Variants in ABCA3 observed in about 807,000 individuals in gnomAD.
ABCA3 encodes the protein phospholipid-transporting ATPase ABCA3.
In ABCA3, 88 loss-of-function variants were observed where a neutral mutation model predicts 172.8. That is an observed-to-expected ratio of 0.51 (90% CI 0.43 to 0.61). The LOEUF (loss-of-function observed/expected upper bound fraction) is 0.61, where lower values mean the gene tolerates loss of function less well. Among genes scored for constraint, ABCA3 ranks in the 20% least tolerant of loss-of-function variants. ABCA3 has a pLI of 0.00. For missense variants in ABCA3, 2,164 were observed against 2,301.0 expected (o/e 0.94, Z 1.22); for synonymous variants, 1,066 against 983.8 (o/e 1.08, Z -1.56).
chr16:2,287,067 C>A lies in ABCA3; in HGVS notation c.3005-100G>T. 1.5e-6 allele frequency: 2 copies of A among 1,376,176 alleles called. No homozygotes were observed. The highest frequency in any genetic ancestry group is 2.9e-5 in the African/African-American group (2 of 69,746). The allele number at this position is 1,376,176 out of a possible 1,614,324, so 85.2% of individuals were successfully genotyped here. A position where few individuals can be genotyped will look rare whatever the true frequency, so the allele number is the denominator to read the frequency against. ...TAATCAGGGACCCAATAGAGTGGTGCCAGCATCCTCTGAGCTGCCCGCCCC... is the reference window on the plus strand; with the variant it reads ...TAATCAGGGACCCAATAGAGTGGTGACAGCATCCTCTGAGCTGCCCGCCCC... On this transcript the variant is annotated intron_variant, in intron 21 of 32. Coordinates refer to ENST00000301732, the MANE Select transcript of ABCA3 (RefSeq NM_001089.3). This position sits in a 1 kb window ranked among gnomAD's most constrained non-coding sequence, Gnocchi z 4.1.
chr16:2,293,913 G>A (rs930657385), intron 18 of ABCA3, among the ~76,000 whole-genome samples: 2 of 151,928 alleles, frequency 1.3e-5, no homozygotes, highest in Non-Finnish European at 2.9e-5. Context: ...TTCTCCTTCT[G>A]CCTTGGCTTC....
At chr16:2,303,482 G>C (rs778877916) in intron 12 of ABCA3, among the ~76,000 whole-genome samples, 3 of 151,268 alleles carry the variant, frequency 2.0e-5, no homozygotes, top group Non-Finnish European at 4.4e-5. Context: ...TTGTTAGCCA[G>C]GATGGTCTTG....
rs1391840102 is a variant in ABCA3 at position 2,285,144 on chromosome 16, C to T, written c.3484-146G>A. ...CATCAGCCCCACAGGCCACGTCTGG[C>T]CCCCGCGGTGGCTTTCAGCCCCAGG... On this transcript the variant is annotated intron_variant, in intron 23 of 32. Transcript: ENST00000301732. This position sits in a 1 kb window ranked among gnomAD's most constrained non-coding sequence, Gnocchi z 4.7. 1 of 983,682 alleles carries T rather than the reference C, an allele frequency of 1.0e-6. No homozygotes were observed. Among genetic ancestry groups the T allele is most frequent in the Non-Finnish European group, 1.5e-6 (1 of 647,438 alleles). 60.9% of individuals were successfully genotyped at this position (983,682 alleles called of 1,614,324 possible). A position where few individuals can be genotyped will look rare whatever the true frequency, so the allele number is the denominator to read the frequency against.
chr16:2,326,165 G>A lies in ABCA3; in HGVS notation c.164C>T (p.Thr55Ile). The part of the protein sequence containing the change: ...KIQSENVPNA[T>I]IYPGQSIQEL... ...CTGGATGGACTGGCCCGGGTAGATG[G>A]TGGCGTTGGGCACATTTTCCGACTG... Residue 55 changes from threonine to isoleucine, a missense_variant, in exon 5 of 33, where the codon ACC becomes ATC. Around this residue, in one of 3 missense-constraint regions of ABCA3, gnomAD observed 1,343 missense variants for 1,369.6 expected, o/e 0.98. Transcript: ENST00000301732. The A allele has an allele frequency of 6.2e-7, 1 of 1,614,206 alleles. No individual in the cohort carries two copies. Among genetic ancestry groups the A allele is most frequent in the South Asian group, 1.1e-5 (1 of 91,086 alleles).
intron 10 of ABCA3, among the ~76,000 whole-genome samples, chr16:2,313,479 G>A (rs1251665198): frequency 6.7e-6 from 1 of 149,510 alleles, no homozygotes; most frequent in Non-Finnish European, 1.5e-5. Flanking sequence ...CTTGAACCCA[G>A]GCAGCAGAGT....
rs780146074 is a variant in ABCA3 at position 2,289,551 on chromosome 16, G to A, written c.2583C>T (p.His861=). 4.5e-6 allele frequency: 7 copies of A among 1,566,800 alleles called. No individual in the cohort carries two copies. The highest frequency in any genetic ancestry group is 2.3e-5 in the South Asian group (2 of 85,218). The change falls in exon 20 of 33, where the codon CAC becomes CAT. Residue 861 remains histidine (H), a synonymous_variant. Transcript: ENST00000301732. ...AIQLPALQYQ[H]ERRASDWAVD... ...CAGCCCAGTCGCTGGCGCGCCTCTC[G>A]TGCTGGTACTGCAGGGCAGGGAGCT...
chr16:2,308,742 C>G (rs2093701939), intron 10 of ABCA3, 119 bp from the exon 11 acceptor site: 2 of 1,145,410 alleles, frequency 1.7e-6, no homozygotes, highest in African/African-American at 3.1e-5. Context: ...CTGCTCCTGG[C>G]ACTTGCCATC....
At chr16:2,334,487 C>T (rs144418588) in intron 1 of ABCA3, among the ~76,000 whole-genome samples, 1 of 151,612 alleles carries the variant, frequency 6.6e-6, no homozygotes, top group East Asian at 1.9e-4. Flanking sequence ...TCAATGGATC[C>T]TGTGGATGAA....
In ABCA3 at chr16:2,328,482, T is replaced by C. The variant is rs754277748; in HGVS notation, c.-56A>G. The C allele has an allele frequency of 1.4e-5, 7 of 510,468 alleles. No individual in the cohort carries two copies. The Admixed American group carries it at 1.4e-4, about 10-fold the overall frequency. The allele number at this position is 510,468 out of a possible 1,614,324, so 31.6% of individuals were successfully genotyped here. A position where few individuals can be genotyped will look rare whatever the true frequency, so the allele number is the denominator to read the frequency against. The stretch of plus-strand genomic sequence containing the variant: ...TAGAGAAGTAGGTGGTCTGAGTAAG[T>C]TCAAGTAGGCGCTGCAACCCGCAGG... On this transcript the variant is annotated 5_prime_UTR_variant, in exon 3 of 33. Coordinates refer to ENST00000301732, the MANE Select transcript of ABCA3 (RefSeq NM_001089.3).
intron 1 of ABCA3, among the ~76,000 whole-genome samples, chr16:2,337,421 A>T (rs1375363405): frequency 1.4e-5 from 2 of 144,140 alleles, no homozygotes; most frequent in African/African-American, 5.2e-5. Context: ...CCTAGGCTGG[A>T]GTATAGATAG....
At chr16:2,311,207 C>T (rs1191181185) in intron 10 of ABCA3, among the ~76,000 whole-genome samples, 2 of 151,628 alleles carry the variant, frequency 1.3e-5, no homozygotes, top group Admixed American at 6.6e-5. Flanking sequence ...CTCTTGACCT[C>T]GTGATCCGCC....
intron 20 of ABCA3, 100 bp from the exon 21 acceptor site, chr16:2,288,429 G>C: frequency 7.3e-7 from 1 of 1,370,036 alleles, no homozygotes; most frequent in Non-Finnish European, 9.8e-7. Context: ...ACGCCAGCCT[G>C]GGGGCCTGCA....
In ABCA3 at chr16:2,308,541, C is replaced by T. The variant is rs2093701505; in HGVS notation, c.1194G>A (p.Trp398Ter). The T allele has an allele frequency of 6.2e-7, 1 of 1,614,200 alleles. No homozygotes were observed. Residue 398 changes from tryptophan to a stop codon, truncating the protein, a stop_gained, in exon 11 of 33, where the codon TGG becomes TGA. Transcript: ENST00000301732. LOFTEE classifies it high-confidence loss of function. ...AGCAGAGCTTCTGGCTCAGAGTCAT[C>T]CAGTTGTACCGAGGGGCCACGAAGA... ...PYFFVAPRYN[W>*]MTLSQKLCSC...
rs894910365 is a variant in ABCA3 at position 2,283,657 on chromosome 16, C to A, written c.3863-299G>T. 1 of 429,032 alleles carries A rather than the reference C, an allele frequency of 2.3e-6. No homozygotes were observed. 26.6% of individuals were successfully genotyped at this position (429,032 alleles called of 1,614,324 possible). A position where few individuals can be genotyped will look rare whatever the true frequency, so the allele number is the denominator to read the frequency against. On this transcript the variant is annotated intron_variant, in intron 25 of 32. Coordinates refer to ENST00000301732, the MANE Select transcript of ABCA3 (RefSeq NM_001089.3). This position sits in a 1 kb window ranked among gnomAD's most constrained non-coding sequence, Gnocchi z 5.4. ...ATCCTGGGCTGCCTCCTGACCAGGA[C>A]AGAGACCGTTACAAGCACCGAGGGG...
At chr16:2,317,190 A>G (rs1009273321) in intron 10 of ABCA3, 93 bp downstream of exon 10, 2 of 1,578,068 alleles carry the variant, frequency 1.3e-6, no homozygotes, top group Non-Finnish European at 1.7e-6. Flanking sequence ...CCACCAGGCC[A>G]CTCTCCCTTC....
chr16:2,285,149 G>C lies in ABCA3; in HGVS notation c.3484-151C>G. On this transcript the variant is annotated intron_variant, in intron 23 of 32. Coordinates refer to ENST00000301732, the MANE Select transcript of ABCA3 (RefSeq NM_001089.3). The surrounding 1 kb of genome is among the most constrained non-coding windows in gnomAD (Gnocchi z 4.7). ...GCCCCACAGGCCACGTCTGGCCCCC[G>C]CGGTGGCTTTCAGCCCCAGGACCCT... 1 of 962,668 alleles carries C rather than the reference G, an allele frequency of 1.0e-6. No individual in the cohort carries two copies. The highest frequency in any genetic ancestry group is 1.6e-6 in the Non-Finnish European group (1 of 628,824). The allele number at this position is 962,668 out of a possible 1,614,324, so 59.6% of individuals were successfully genotyped here. A position where few individuals can be genotyped will look rare whatever the true frequency, so the allele number is the denominator to read the frequency against.
chr16:2,281,580 C>CGGGGGAGAGGGGGGGGGG lies in ABCA3; in HGVS notation c.4036-72_4036-71insCCCCCCCCCCTCTCCCCC. 3.1e-6 allele frequency: 1 copy of CGGGGGAGAGGGGGGGGGG among 319,058 alleles called. No homozygotes were observed. Among genetic ancestry groups the CGGGGGAGAGGGGGGGGGG allele is most frequent in the Non-Finnish European group, 6.1e-6 (1 of 163,590 alleles). 19.8% of individuals were successfully genotyped at this position (319,058 alleles called of 1,614,324 possible). ...GCGGCTTCCGTGGAGAAGGGAGGGGCGGGGGTGGATGTGGGAGGTCTGGTG... is the reference window on the plus strand; with the variant it reads ...GCGGCTTCCGTGGAGAAGGGAGGGGCGGGGGAGAGGGGGGGGGGGGGGGTGGATGTGGGAGGTCTGGTG... On this transcript the variant is annotated intron_variant, in intron 26 of 32. Transcript: ENST00000301732. The surrounding 1 kb of genome is among the most constrained non-coding windows in gnomAD (Gnocchi z 4.7).
intron 10 of ABCA3, among the ~76,000 whole-genome samples, chr16:2,312,778 C>T (rs1165121614): frequency 6.6e-5 from 10 of 152,010 alleles, no homozygotes; most frequent in Non-Finnish European, 1.2e-4. Flanking sequence ...GTGATCTGCC[C>T]GCCTCGGCCT....
At chr16:2,317,458 G>C (rs201017039) in intron 9 of ABCA3, 55 bp from the exon 10 acceptor site, 1,128 of 1,609,982 alleles carry the variant, frequency 7.0e-4, no homozygotes, top group Admixed American at 1.5e-3. Flanking sequence ...TGGACCAGGA[G>C]GACTCCTGAC....
Sources: allele counts gnomAD v4.1 joint callset (sites outside exome capture counted in the v4.1 genomes callset), GRCh38; gene constraint gnomAD v4.1.1; regional missense constraint gnomAD v4.1.1; non-coding constraint Gnocchi (gnomAD v3.1); transcripts MANE v1.5; gene names NCBI Gene and HGNC (gene_info 2026-07-23, HGNC 2026-07-21).